The following PTGER3 variants were observed in gnomAD, a reference collection of about 807,000 sequenced individuals.
PTGER3 encodes prostaglandin E receptor 3, also known as prostaglandin E2 receptor EP3 subtype.
A neutral mutation model predicts 34.7 loss-of-function variants in PTGER3; 22 were observed. The ratio of observed to expected loss-of-function variants is 0.63; its 90% CI spans 0.45 to 0.91. The LOEUF (loss-of-function observed/expected upper bound fraction) is 0.91. Ranked by LOEUF, PTGER3 falls within the 40% of genes least tolerant of loss-of-function variation. The probability of loss-of-function intolerance (pLI) is 0.00; values close to 1 mark genes in which losing one functional copy is unlikely to be tolerated. For missense variants in PTGER3, 468 were observed against 519.4 expected, an observed-to-expected ratio of 0.90 and a Z score of 0.96; for synonymous variants, 241 against 230.1, an observed-to-expected ratio of 1.05 and a Z score of -0.43.
chr1:70,867,115 G>A (rs1313856488), intron 4 of PTGER3, among the ~76,000 whole-genome samples: 2 of 152,204 alleles, frequency 1.3e-5, no homozygotes, highest in Non-Finnish European at 1.5e-5. Context: ...ATAGACCACA[G>A]ATGCCCCCAC....
At chr1:70,938,511 A>G (rs934493607) in intron 4 of PTGER3, among the ~76,000 whole-genome samples, 1 of 152,112 alleles carries the variant, frequency 6.6e-6, no homozygotes, top group Non-Finnish European at 1.5e-5. Flanking sequence ...AATTTCAAAT[A>G]TTTTCAAACA....
At chr1:71,004,797 G>A (rs1656796581) in intron 2 of PTGER3, among the ~76,000 whole-genome samples, 1 of 152,224 alleles carries the variant, frequency 6.6e-6, no homozygotes, top group Admixed American at 6.5e-5. Flanking sequence ...ATGTGATTAT[G>A]GAAGCTGATC....
At chr1:71,016,373 A>G (rs1230871203) in intron 1 of PTGER3, among the ~76,000 whole-genome samples, 3 of 152,242 alleles carry the variant, frequency 2.0e-5, no homozygotes, top group African/African-American at 7.2e-5. Flanking sequence ...ATTAAGTGAA[A>G]AAACAGAATA....
chr1:70,974,535 T>C, intron 2 of PTGER3, 147 bp from the exon 3 acceptor site: 1 of 566,998 alleles, frequency 1.8e-6, no homozygotes, highest in Non-Finnish European at 3.2e-6. Flanking sequence ...TCATTTCTAC[T>C]TCCATGCTTT....
chr1:70,953,443 T>C (rs1419283404), intron 3 of PTGER3, among the ~76,000 whole-genome samples: 2 of 152,126 alleles, frequency 1.3e-5, no homozygotes, highest in African/African-American at 2.4e-5. Context: ...CTAGTGATGC[T>C]TGAAGCCTCC....
chr1:71,047,631 G>A lies in PTGER3; in HGVS notation c.-54C>T. 2 of 1,457,096 alleles carry A rather than the reference G, an allele frequency of 1.4e-6. No individual in the cohort carries two copies. The highest frequency in any genetic ancestry group is 9.1e-7 in the Non-Finnish European group (1 of 1,101,388). 90.3% of individuals were successfully genotyped at this position (1,457,096 alleles called of 1,614,324 possible). On this transcript the variant is annotated 5_prime_UTR_variant, in exon 1 of 4. Coordinates refer to ENST00000306666, the MANE Select transcript of PTGER3 (RefSeq NM_198719.2). Reference sequence around the variant, plus strand: ...GTCCAGAGAGCCGCAGCGGGAGGGGGCAGACGCGGCGCGGGCGGCGGCGGA... The same window carrying A: ...GTCCAGAGAGCCGCAGCGGGAGGGGACAGACGCGGCGCGGGCGGCGGCGGA...
chr1:70,910,090 T>A (rs1226329058), intron 4 of PTGER3, among the ~76,000 whole-genome samples: 1 of 152,216 alleles, frequency 6.6e-6, no homozygotes, highest in Non-Finnish European at 1.5e-5. Flanking sequence ...TAATAAGTGC[T>A]GACAAATAGC....
chr1:70,929,236 A>G (rs1238365969), intron 4 of PTGER3, among the ~76,000 whole-genome samples: 1 of 152,174 alleles, frequency 6.6e-6, no homozygotes, highest in Non-Finnish European at 1.5e-5. Context: ...TTAACCTTCA[A>G]AAGGGTTTTC....
At chr1:71,015,977 GGCTTGGGT>G (rs1279786347) in intron 1 of PTGER3, among the ~76,000 whole-genome samples, 43 of 152,188 alleles carry the variant, frequency 2.8e-4, no homozygotes, top group Admixed American at 1.3e-4. Context: ...CCGTCACCAA[GGCTTGGGT>G]GCAGTGGCAC....
intron 2 of PTGER3, among the ~76,000 whole-genome samples, chr1:70,984,149 G>A (rs1654670220): frequency 6.6e-6 from 1 of 152,106 alleles, no homozygotes; most frequent in Admixed American, 6.5e-5. Flanking sequence ...CACCTTTGGA[G>A]GCCAATATGT....
At position 70,998,956 on chromosome 1, in the gene PTGER3, C is replaced by T. The variant is rs968195101; in HGVS notation, c.1077+13349G>A. Among the ~76,000 whole-genome samples the T allele has an allele frequency of 7.2e-5, 11 of 152,066 alleles. 1 individual carries two copies. The highest frequency in any genetic ancestry group is 4.1e-4 in the South Asian group (2 of 4,824). ...CAGCACTTCAGGAGGCCGAGGAGGG[C>T]GGATCACGAGGTCAGGAGATCGAGA... On this transcript the variant is annotated intron_variant, in intron 2 of 3. Coordinates refer to ENST00000306666, the MANE Select transcript of PTGER3 (RefSeq NM_198719.2).
At chr1:71,016,396 T>C (rs546460596) in intron 1 of PTGER3, among the ~76,000 whole-genome samples, 1 of 152,348 alleles carries the variant, frequency 6.6e-6, no homozygotes, top group African/African-American at 2.4e-5. Flanking sequence ...AGATACTTTA[T>C]ATATAAAGTT....
intron 4 of PTGER3, among the ~76,000 whole-genome samples, chr1:70,940,803 A>T (rs1483394345): frequency 6.6e-6 from 1 of 152,128 alleles, no homozygotes; most frequent in African/African-American, 2.4e-5. Context: ...CAGACAAACC[A>T]TATCACCTGG....
intron 4 of PTGER3, among the ~76,000 whole-genome samples, chr1:70,889,366 G>A (rs927332896): frequency 1.5e-5 from 2 of 132,670 alleles, no homozygotes; most frequent in African/African-American, 5.8e-5. Context: ...AGTGAGCCGA[G>A]ATCACGCCAC....
chr1:71,035,940 T>A (rs1659784264), intron 1 of PTGER3, among the ~76,000 whole-genome samples: 1 of 152,204 alleles, frequency 6.6e-6, no homozygotes, highest in Non-Finnish European at 1.5e-5. Flanking sequence ...TCCCAATGCA[T>A]CAGTAGGAGA....
downstream of PTGER3, among the ~76,000 whole-genome samples, chr1:70,966,594 C>T (rs1652541392): frequency 6.6e-6 from 1 of 151,956 alleles, no homozygotes; most frequent in African/African-American, 2.4e-5. Flanking sequence ...TAAGTTCCCT[C>T]CCCTCACCCC....
chr1:71,006,682 T>A, intron 2 of PTGER3: 1 of 984,442 alleles, frequency 1.0e-6, no homozygotes, highest in Non-Finnish European at 1.2e-6. Flanking sequence ...GTTATGCACA[T>A]GATTATGGAA....
chr1:70,888,513 TTTG>T (rs59584343), intron 4 of PTGER3, among the ~76,000 whole-genome samples: 7,397 of 152,232 alleles, frequency 0.049, 410 homozygotes, highest in East Asian at 0.22. Context: ...TGTGTGTGTG[TTTG>T]TTAAGAGCCC....
chr1:71,007,425 C>G, intron 2 of PTGER3: 2 of 985,500 alleles, frequency 2.0e-6, no homozygotes, highest in South Asian at 9.4e-5. Flanking sequence ...CCTGAGTGAA[C>G]TTATCATTTG....
Sources: gnomAD v4.1 joint callset for allele counts (sites outside exome capture counted in the v4.1 genomes callset) on GRCh38, gnomAD v4.1.1 for gene constraint, MANE v1.5 for transcripts, NCBI Gene and HGNC (gene_info 2026-07-23, HGNC 2026-07-21) for gene names.